Variants in ANKS1A observed in about 807,000 individuals in gnomAD.
ANKS1A encodes the protein ankyrin repeat and SAM domain-containing protein 1A.
ANKS1A carries 55 observed loss-of-function variants against 120.3 expected under a neutral mutation model. The observed-to-expected ratio is 0.46, with a 90% confidence interval of 0.37 to 0.57. The LOEUF is 0.57. Among genes scored for constraint, ANKS1A ranks in the 20% least tolerant of loss-of-function variants. ANKS1A has a pLI of 0.00. For synonymous variants in ANKS1A, 590 were observed against 604.7 expected (o/e 0.98, Z 0.36); for missense variants, 1,123 against 1,480.3 (o/e 0.76, Z 3.96).
chr6:34,975,018 T>C (rs371287059), intron 3 of ANKS1A, among the ~76,000 whole-genome samples: 4 of 152,210 alleles, frequency 2.6e-5, no homozygotes, highest in African/African-American at 9.6e-5. Context: ...AAGACTTTGG[T>C]TCTTGAAAGT....
chr6:35,039,056 A>G (rs930734882), intron 11 of ANKS1A, among the ~76,000 whole-genome samples: 1 of 148,130 alleles, frequency 6.8e-6, no homozygotes, highest in South Asian at 2.2e-4. Context: ...CCTTATTCAC[A>G]TTTCACCAGT....
intron 1 of ANKS1A, among the ~76,000 whole-genome samples, chr6:34,931,070 G>T (rs1768956402): frequency 6.6e-6 from 1 of 151,244 alleles, no homozygotes; most frequent in Non-Finnish European, 1.5e-5. Flanking sequence ...GTAGAGACAG[G>T]GTTTCTCCAT....
Position 35,081,772 on chromosome 6 carries a change from A to C in ANKS1A, c.2709+614A>C, listed in dbSNP as rs117022610. Among the ~76,000 whole-genome samples, 156 of 152,242 alleles carry C rather than the reference A, an allele frequency of 1.0e-3. 1 individual carries two copies. In the East Asian group the frequency reaches 0.023, roughly 22 times the overall value. On this transcript the variant is annotated intron_variant, in intron 17 of 23. Coordinates refer to ENST00000360359, the MANE Select transcript of ANKS1A (RefSeq NM_015245.3). ...TCTCACACTCCTGGCTCACCTTCTC[A>C]GGGCATCATTTCCAGGGGTCCTGGA... is the stretch of plus-strand genomic sequence containing the variant.
At chr6:34,981,511 T>C (rs1771904272) in intron 3 of ANKS1A, among the ~76,000 whole-genome samples, 179 bp from the exon 4 acceptor site, 1 of 152,182 alleles carries the variant, frequency 6.6e-6, no homozygotes, top group Admixed American at 6.5e-5. Flanking sequence ...AAGGTGTCGC[T>C]GATTAGACCA....
At chr6:35,021,895 A>G (rs1774361222) in intron 11 of ANKS1A, among the ~76,000 whole-genome samples, 1 of 151,930 alleles carries the variant, frequency 6.6e-6, no homozygotes, top group African/African-American at 2.4e-5. Context: ...CTGAGGCAAG[A>G]GAATTGCTTG....
intron 1 of ANKS1A, among the ~76,000 whole-genome samples, chr6:34,957,823 T>C (rs1432885181): frequency 6.6e-6 from 1 of 152,200 alleles, no homozygotes; most frequent in African/African-American, 2.4e-5. Flanking sequence ...GAACATGCAC[T>C]AGAGTCAGAT....
Position 35,085,460 on chromosome 6 carries a change from A to G in ANKS1A, c.3133-306A>G, listed in dbSNP as rs541093608. ...AAAGCACTAGCACCACTTACATTAA[A>G]TGGTAAGAAATACCCAAGTACTGCT... On this transcript the variant is annotated intron_variant, in intron 21 of 23. Transcript: ENST00000360359. The surrounding 1 kb of genome is among the most constrained non-coding windows in gnomAD (Gnocchi z 4.7). 6.6e-5 allele frequency among the ~76,000 whole-genome samples: 10 copies of G among 152,324 alleles called. No homozygotes were observed. Among genetic ancestry groups the G allele is most frequent in the African/African-American group, 2.2e-4 (9 of 41,568 alleles).
At position 35,078,334 on chromosome 6, in the gene ANKS1A, C is replaced by T. The variant is rs967116400; in HGVS notation, c.2185-224C>T. ...CACCCCCACCCTTGTGTGCCCTGGC[C>T]GGCCTCAGCACCCTGTGCATATTCT... On this transcript the variant is annotated intron_variant, in intron 13 of 23. Coordinates refer to ENST00000360359, the MANE Select transcript of ANKS1A (RefSeq NM_015245.3). Among the ~76,000 whole-genome samples, 17 of 152,310 alleles carry T rather than the reference C, an allele frequency of 1.1e-4. No individual in the cohort carries two copies. The South Asian group carries it at 1.7e-3, about 15-fold the overall frequency.
chr6:34,923,740 C>G (rs1283209826), intron 1 of ANKS1A, among the ~76,000 whole-genome samples: 1 of 152,144 alleles, frequency 6.6e-6, no homozygotes, highest in African/African-American at 2.4e-5. Context: ...GTGCTTCCTT[C>G]CTGTGAGACC....
At chr6:35,065,238 C>G (rs74645761) in intron 13 of ANKS1A, among the ~76,000 whole-genome samples, 1 of 151,700 alleles carries the variant, frequency 6.6e-6, no homozygotes, top group Admixed American at 6.5e-5. Flanking sequence ...CTGACTGCAG[C>G]GCAGGCATTC....
intron 1 of ANKS1A, among the ~76,000 whole-genome samples, chr6:34,906,319 G>A (rs1450079530): frequency 6.6e-6 from 1 of 152,182 alleles, no homozygotes; most frequent in African/African-American, 2.4e-5. Flanking sequence ...TGCCTGGTGC[G>A]AAAGGTCAAG....
chr6:35,007,151 G>A (rs7751820), intron 10 of ANKS1A, among the ~76,000 whole-genome samples: 123,069 of 152,140 alleles, frequency 0.81, 50,780 homozygotes, highest in Non-Finnish European at 0.9. Flanking sequence ...GTCCATCACA[G>A]TGACTGGTTA....
intron 1 of ANKS1A, among the ~76,000 whole-genome samples, chr6:34,937,801 T>A (rs1047979675): frequency 6.6e-6 from 1 of 152,194 alleles, no homozygotes; most frequent in Non-Finnish European, 1.5e-5. Context: ...CAAGTAATAA[T>A]CAGACTCTGG....
At chr6:35,061,979 G>A (rs1776531520) in intron 13 of ANKS1A, among the ~76,000 whole-genome samples, 1 of 152,222 alleles carries the variant, frequency 6.6e-6, no homozygotes, top group South Asian at 2.1e-4. Context: ...AGGCTGAGCT[G>A]TTGCTTCCCA....
chr6:35,086,055 AT>A lies in ANKS1A; in HGVS notation c.3303+120del. The A allele has an allele frequency of 7.3e-7, 1 of 1,378,046 alleles. No homozygotes were observed. The highest frequency in any genetic ancestry group is 9.6e-7 in the Non-Finnish European group (1 of 1,043,154). 85.4% of individuals were successfully genotyped at this position (1,378,046 alleles called of 1,614,324 possible). A position where few individuals can be genotyped will look rare whatever the true frequency, so the allele number is the denominator to read the frequency against. On this transcript the variant is annotated intron_variant, in intron 22 of 23. Coordinates refer to ENST00000360359, the MANE Select transcript of ANKS1A (RefSeq NM_015245.3). This position sits in a 1 kb window ranked among gnomAD's most constrained non-coding sequence, Gnocchi z 5.1. ...TCCAGAAAGCTGGCCCTCCAGGGAA[AT>A]GACCCTCTTAATTGTCCCCCAACCC...
intron 1 of ANKS1A, among the ~76,000 whole-genome samples, chr6:34,905,785 C>T (rs1227348608): frequency 6.6e-6 from 1 of 152,126 alleles, no homozygotes; most frequent in Non-Finnish European, 1.5e-5. Flanking sequence ...TGTGTAACTA[C>T]CTGAACGAAA....
At chr6:35,020,594 A>G (rs1774284862) in intron 11 of ANKS1A, among the ~76,000 whole-genome samples, 1 of 152,220 alleles carries the variant, frequency 6.6e-6, no homozygotes. Flanking sequence ...CAGAGAGGTC[A>G]GCAGTGCTGG....
intron 10 of ANKS1A, among the ~76,000 whole-genome samples, chr6:35,010,343 C>G (rs1773696167): frequency 6.6e-6 from 1 of 152,148 alleles, no homozygotes; most frequent in Non-Finnish European, 1.5e-5. Flanking sequence ...GTGCTGGGCT[C>G]AACAACAGTT....
At chr6:35,006,639 C>T (rs2127548973) in intron 10 of ANKS1A, among the ~76,000 whole-genome samples, 1 of 152,166 alleles carries the variant, frequency 6.6e-6, no homozygotes, top group Non-Finnish European at 1.5e-5. Context: ...CCTGTAGTCC[C>T]AGCTACTCGG....
Sources: allele counts gnomAD v4.1 joint callset (sites outside exome capture counted in the v4.1 genomes callset), GRCh38; gene constraint gnomAD v4.1.1; non-coding constraint Gnocchi (gnomAD v3.1); transcripts MANE v1.5; gene names NCBI Gene and HGNC (gene_info 2026-07-23, HGNC 2026-07-21).